NCAM2: variants seen among roughly 807,000 people sequenced by gnomAD.
NCAM2 encodes N-CAM-2.
In NCAM2, 30 loss-of-function variants were observed where a neutral mutation model predicts 98.1. The ratio of observed to expected loss-of-function variants is 0.31; its 90% confidence interval spans 0.23 to 0.41. The LOEUF is 0.41. Among genes scored for constraint, NCAM2 ranks in the 10% least tolerant of loss-of-function variants. The pLI, the probability that NCAM2 is intolerant of heterozygous loss-of-function variation, is 1.00. For missense variants in NCAM2, 867 were observed against 1,005.8 expected (o/e 0.86, Z 1.87); for synonymous variants, 368 against 342.4 (o/e 1.07, Z -0.83).
chr21:21,197,210 A>G (rs926288147), intron 1 of NCAM2, among the ~76,000 whole-genome samples: 8 of 152,240 alleles, frequency 5.3e-5, no homozygotes, highest in African/African-American at 1.9e-4. Context: ...GCTCACTGCA[A>G]CTTCTGCCTC....
chr21:21,280,290 A>G (rs2072882236), intron 1 of NCAM2, among the ~76,000 whole-genome samples: 1 of 152,170 alleles, frequency 6.6e-6, no homozygotes, highest in South Asian at 2.1e-4. Flanking sequence ...CTAATCTCTG[A>G]ATAAGGAACA....
chr21:21,168,033 A>G (rs948340616), intron 1 of NCAM2, among the ~76,000 whole-genome samples: 1 of 152,120 alleles, frequency 6.6e-6, no homozygotes, highest in Non-Finnish European at 1.5e-5. Context: ...CATAGCGCAT[A>G]AACATAGACG....
chr21:21,480,994 T>C (rs1425665672), intron 15 of NCAM2, among the ~76,000 whole-genome samples: 1 of 152,196 alleles, frequency 6.6e-6, no homozygotes, highest in Non-Finnish European at 1.5e-5. Context: ...TGGTTAGATA[T>C]GTGGGCGTAT....
chr21:21,363,687 G>A (rs1476145338), intron 8 of NCAM2, among the ~76,000 whole-genome samples: 1 of 151,790 alleles, frequency 6.6e-6, no homozygotes, highest in African/African-American at 2.4e-5. Context: ...TTATAGAAAA[G>A]GTATCATATA....
At chr21:21,169,766 T>C (rs557208655) in intron 1 of NCAM2, among the ~76,000 whole-genome samples, 2 of 151,990 alleles carry the variant, frequency 1.3e-5, no homozygotes, top group South Asian at 2.1e-4. Context: ...CTGGGCAACA[T>C]GGTGAAATTC....
At chr21:21,482,072 T>C (rs1321084052) in intron 15 of NCAM2, among the ~76,000 whole-genome samples, 2 of 151,986 alleles carry the variant, frequency 1.3e-5, no homozygotes, top group Admixed American at 1.3e-4. Flanking sequence ...CACTCCAGCC[T>C]GGGTGACAGA....
At chr21:21,250,857 T>G (rs2071443454) in intron 1 of NCAM2, among the ~76,000 whole-genome samples, 1 of 152,254 alleles carries the variant, frequency 6.6e-6, no homozygotes, top group Non-Finnish European at 1.5e-5. Context: ...AACGAATTTC[T>G]TTCTGGTCCA....
In NCAM2 at chr21:21,349,119, A is replaced by G. The variant is rs1291312814; in HGVS notation, c.1044+10585A>G. Among the ~76,000 whole-genome samples the G allele has an allele frequency of 2.0e-5, 3 of 152,326 alleles. No individual in the cohort carries two copies. In the East Asian group the frequency reaches 5.8e-4, roughly 29 times the overall value. On this transcript the variant is annotated intron_variant, in intron 8 of 17. Transcript: ENST00000400546. Reference sequence around the variant, plus strand: ...TCAAATTAAAAGCCTTCTGCACATCAAAGGTTACAATCAACAAAGTGATGA... The same window carrying G: ...TCAAATTAAAAGCCTTCTGCACATCGAAGGTTACAATCAACAAAGTGATGA...
chr21:21,125,101 C>T (rs1182146247), intron 1 of NCAM2, among the ~76,000 whole-genome samples: 1 of 151,906 alleles, frequency 6.6e-6, no homozygotes, highest in Non-Finnish European at 1.5e-5. Flanking sequence ...GTCTATTGTA[C>T]ATGTCTGCAT....
intron 16 of NCAM2, among the ~76,000 whole-genome samples, chr21:21,529,548 C>A (rs1989508662): frequency 6.6e-6 from 1 of 151,912 alleles, no homozygotes; most frequent in East Asian, 1.9e-4. Context: ...TTTAAGGTAA[C>A]CACAGTATAC....
chr21:21,010,478 G>A (rs993248593), intron 1 of NCAM2, among the ~76,000 whole-genome samples: 3 of 152,064 alleles, frequency 2.0e-5, no homozygotes, highest in Non-Finnish European at 4.4e-5. Context: ...TTGCTTTCAA[G>A]TCCCTGTATC....
intron 1 of NCAM2, among the ~76,000 whole-genome samples, chr21:21,239,948 T>G (rs974715985): frequency 1.3e-5 from 2 of 152,058 alleles, no homozygotes; most frequent in Admixed American, 1.3e-4. Flanking sequence ...AAAATCAATC[T>G]CTTTCTCTTT....
At chr21:21,313,548 A>C (rs911647010) in intron 5 of NCAM2, among the ~76,000 whole-genome samples, 1 of 151,826 alleles carries the variant, frequency 6.6e-6, no homozygotes, top group East Asian at 1.9e-4. Context: ...TGAATGGCAT[A>C]TTTTTTCTAT....
At chr21:21,100,208 T>C (rs183766120) in intron 1 of NCAM2, among the ~76,000 whole-genome samples, 1 of 152,086 alleles carries the variant, frequency 6.6e-6, no homozygotes, top group African/African-American at 2.4e-5. Flanking sequence ...GTAAAGTTCA[T>C]GCATTTGGTA....
intron 8 of NCAM2, among the ~76,000 whole-genome samples, chr21:21,365,612 A>T (rs928910195): frequency 3.3e-5 from 5 of 152,074 alleles, no homozygotes; most frequent in African/African-American, 1.2e-4. Flanking sequence ...GATGACATAC[A>T]TGATGGTAGT....
intron 15 of NCAM2, among the ~76,000 whole-genome samples, chr21:21,494,960 C>T (rs191457625): frequency 1.3e-5 from 2 of 150,294 alleles, no homozygotes; most frequent in African/African-American, 4.9e-5. Flanking sequence ...ATGTTAAAAT[C>T]AGTTACTTTA....
intron 1 of NCAM2, among the ~76,000 whole-genome samples, chr21:21,160,755 A>G (rs2146776759): frequency 6.6e-6 from 1 of 152,146 alleles, no homozygotes; most frequent in South Asian, 2.1e-4. Context: ...ATACAGTAAC[A>G]ATATGACTTT....
rs532785023 is a variant in NCAM2 at position 21,538,984 on chromosome 21, G to A, written c.*1027G>A. Reference sequence around the variant, plus strand: ...ATAATTGGCTAATAAAAATTTTAAGGTTGACTAAATTAAGAAGAAATTATT... The same window carrying A: ...ATAATTGGCTAATAAAAATTTTAAGATTGACTAAATTAAGAAGAAATTATT... On this transcript the variant is annotated 3_prime_UTR_variant, in exon 18 of 18. Transcript: ENST00000400546. The A allele has an allele frequency of 1.3e-5, 2 of 152,088 alleles. No homozygotes were observed. The highest frequency in any genetic ancestry group is 4.8e-5 in the African/African-American group (2 of 41,512). The allele number at this position is 152,088 out of a possible 1,614,324, so 9.4% of individuals were successfully genotyped here.
chr21:21,191,881 A>G (rs1053645926), intron 1 of NCAM2, among the ~76,000 whole-genome samples: 2 of 152,270 alleles, frequency 1.3e-5, no homozygotes, highest in East Asian at 3.9e-4. Flanking sequence ...CATAGAGAAG[A>G]AGGGTTAGAT....
Sources: gnomAD v4.1 joint callset for allele counts (sites outside exome capture counted in the v4.1 genomes callset) on GRCh38, gnomAD v4.1.1 for gene constraint, MANE v1.5 for transcripts, NCBI Gene and HGNC (gene_info 2026-07-23, HGNC 2026-07-21) for gene names.